The following PTPN4 variants were observed in gnomAD, a reference collection of about 807,000 sequenced individuals.
The protein encoded by PTPN4 is protein tyrosine phosphatase non-receptor type 4.
PTPN4 carries 49 observed loss-of-function variants against 135.5 expected under a neutral mutation model. The observed-to-expected ratio is 0.36, with a 90% confidence interval of 0.29 to 0.46. PTPN4 has a LOEUF of 0.46. Among genes scored for constraint, PTPN4 ranks in the 20% least tolerant of loss-of-function variants. The pLI is 1.00. For synonymous variants in PTPN4, 333 were observed against 369.9 expected (o/e 0.90, Z 1.14); for missense variants, 860 against 1,101.0 (o/e 0.78, Z 3.10).
intron 1 of PTPN4, among the ~76,000 whole-genome samples, chr2:119,777,779 C>T (rs1041097288): frequency 1.1e-4 from 16 of 152,264 alleles, no homozygotes; most frequent in Admixed American, 7.8e-4. Flanking sequence ...CTCAGCCTCC[C>T]TAGTAGCTGG....
intron 8 of PTPN4, among the ~76,000 whole-genome samples, chr2:119,884,751 T>C (rs954972814): frequency 1.5e-4 from 23 of 152,336 alleles, no homozygotes; most frequent in Admixed American, 4.6e-4. Flanking sequence ...GTATCCACTT[T>C]AACTGGAGGG....
At chr2:119,869,408 G>A (rs569236851) in intron 3 of PTPN4, among the ~76,000 whole-genome samples, 10 of 152,304 alleles carry the variant, frequency 6.6e-5, no homozygotes, top group African/African-American at 2.2e-4. Flanking sequence ...TGTCCAATTT[G>A]GGAGCAGTAT....
At chr2:119,877,927 A>T (rs114189891) in intron 5 of PTPN4, among the ~76,000 whole-genome samples, 214 of 152,140 alleles carry the variant, frequency 1.4e-3, no homozygotes, top group African/African-American at 4.9e-3. Flanking sequence ...ATATTCTAGT[A>T]TCTTTTTTTA....
At chr2:119,888,675 AT>A in intron 9 of PTPN4, among the ~76,000 whole-genome samples, 2 of 152,218 alleles carry the variant, frequency 1.3e-5, no homozygotes, top group Middle Eastern at 6.8e-3. Context: ...GATATAATGT[AT>A]TGTATCTGAT....
Position 119,977,118 on chromosome 2 carries a change from T to G in PTPN4, c.*48T>G. The G allele has an allele frequency of 6.5e-7, 1 of 1,546,522 alleles. No homozygotes were observed. The highest frequency in any genetic ancestry group is 1.8e-4 in the Middle Eastern group (1 of 5,702). On this transcript the variant is annotated 3_prime_UTR_variant, in exon 27 of 27. Coordinates refer to ENST00000263708, the MANE Select transcript of PTPN4 (RefSeq NM_002830.4). The stretch of plus-strand genomic sequence containing the variant: ...TGTGTTGGAAAACTGCTTTCCCTTA[T>G]GTTCACTGTGCCATAATGCTGCTCG...
Position 119,760,124 on chromosome 2 carries a change from C to T in PTPN4, c.-278C>T, listed in dbSNP as rs1690451549. The T allele has an allele frequency of 2.6e-6, 1 of 390,944 alleles. No individual in the cohort carries two copies. The highest frequency in any genetic ancestry group is 4.4e-5 in the Admixed American group (1 of 22,488). 24.2% of individuals were successfully genotyped at this position (390,944 alleles called of 1,614,324 possible). ...ACGCACTTTTGGGGGTGTGGATTAT[C>T]TCATCCCTGCAGGGAGGTAGGAGAG... On this transcript the variant is annotated 5_prime_UTR_variant, in exon 1 of 27. Coordinates refer to ENST00000263708, the MANE Select transcript of PTPN4 (RefSeq NM_002830.4).
intron 5 of PTPN4, among the ~76,000 whole-genome samples, chr2:119,881,324 T>C (rs1246332637): frequency 6.6e-6 from 1 of 152,246 alleles, no homozygotes; most frequent in East Asian, 1.9e-4. Context: ...CTTCCTGCCA[T>C]CTGATGATAA....
chr2:119,869,610 G>C (rs1240985594), intron 3 of PTPN4, among the ~76,000 whole-genome samples: 1 of 152,060 alleles, frequency 6.6e-6, no homozygotes, highest in African/African-American at 2.4e-5. Flanking sequence ...GACACCTCAA[G>C]TTAGTAAGGA....
chr2:119,879,428 G>C (rs938054434), intron 5 of PTPN4, among the ~76,000 whole-genome samples: 11 of 152,192 alleles, frequency 7.2e-5, no homozygotes, highest in African/African-American at 2.7e-4. Flanking sequence ...AACTGGTATT[G>C]TTTGGTAAAA....
chr2:119,906,513 A>G (rs1678491178), intron 10 of PTPN4, among the ~76,000 whole-genome samples: 2 of 152,266 alleles, frequency 1.3e-5, no homozygotes, highest in African/African-American at 4.8e-5. Context: ...TTAACATACA[A>G]ATATCAGTAA....
In PTPN4 at chr2:119,934,904, A is replaced by G; in HGVS notation, c.1301A>G (p.Asn434Ser). The change falls in exon 15 of 27, where the codon AAT (asparagine) becomes AGT (serine). Residue 434 changes from asparagine (N) to serine (S), a missense_variant. Asn to Ser is a conservative substitution (Grantham distance 46). Coordinates refer to ENST00000263708, the MANE Select transcript of PTPN4 (RefSeq NM_002830.4). ...VHTSPSEVFV[N>S]QRSPSSTQAN... ...ACTTCCCCAAGCGAAGTGTTTGTAA[A>G]TCAGAGATCTCCGTCATCAACACAA... The G allele has an allele frequency of 6.2e-7, 1 of 1,613,938 alleles. No individual in the cohort carries two copies. The highest frequency in any genetic ancestry group is 8.5e-7 in the Non-Finnish European group (1 of 1,179,822).
chr2:119,939,797 C>T (rs1679036082), intron 15 of PTPN4, among the ~76,000 whole-genome samples: 1 of 152,158 alleles, frequency 6.6e-6, no homozygotes, highest in Admixed American at 6.5e-5. Flanking sequence ...CAGTTGTCCC[C>T]AATTCCTATT....
chr2:119,933,121 T>TATAAATGTTCACAAAAGTTGTATAA (rs1678930511), intron 14 of PTPN4, among the ~76,000 whole-genome samples: 1 of 152,122 alleles, frequency 6.6e-6, no homozygotes, highest in Non-Finnish European at 1.5e-5. Context: ...ACAAAAGTTG[T>TATAAATGTTCACAAAAGTTGTATAA]ATGTTTTGGT....
rs1679387645 is a variant in PTPN4, at chr2:119,962,771, A to G, written c.2409+27A>G. On this transcript the variant is annotated intron_variant, in intron 24 of 26. Coordinates refer to ENST00000263708, the MANE Select transcript of PTPN4 (RefSeq NM_002830.4). ...TAAGAAGGCAGGATATCTGTTCATT[A>G]GAACTGTTGTGTTCAGGGTAAAGAC... is the stretch of plus-strand genomic sequence containing the variant. The G allele has an allele frequency of 4.6e-6, 7 of 1,512,894 alleles. No individual in the cohort carries two copies. In the Admixed American group the frequency reaches 1.1e-4, roughly 24 times the overall value. 93.7% of individuals were successfully genotyped at this position (1,512,894 alleles called of 1,614,324 possible). A position where few individuals can be genotyped will look rare whatever the true frequency, so the allele number is the denominator to read the frequency against.
At chr2:119,788,105 T>G (rs1574334056) in intron 1 of PTPN4, among the ~76,000 whole-genome samples, 1 of 152,208 alleles carries the variant, frequency 6.6e-6, no homozygotes, top group East Asian at 1.9e-4. Context: ...TTACCCTTGT[T>G]ACAGTAGTTT....
At chr2:119,908,907 A>T (rs925489623) in intron 10 of PTPN4, among the ~76,000 whole-genome samples, 2 of 152,184 alleles carry the variant, frequency 1.3e-5, no homozygotes, top group African/African-American at 4.8e-5. Flanking sequence ...AGAGTATCTT[A>T]GTGGTGTGGA....
chr2:119,808,270 A>G (rs1349884368), intron 1 of PTPN4, among the ~76,000 whole-genome samples: 1 of 152,212 alleles, frequency 6.6e-6, no homozygotes, highest in Non-Finnish European at 1.5e-5. Flanking sequence ...TCAGTTAGGA[A>G]AAGAGGAAGT....
At chr2:119,785,056 G>C (rs1018209904) in intron 1 of PTPN4, among the ~76,000 whole-genome samples, 2 of 152,092 alleles carry the variant, frequency 1.3e-5, no homozygotes, top group East Asian at 3.9e-4. Flanking sequence ...TTTTGGACCA[G>C]ATCATTATTT....
intron 3 of PTPN4, among the ~76,000 whole-genome samples, chr2:119,865,218 A>G (rs1049705538): frequency 3.3e-5 from 5 of 152,118 alleles, no homozygotes; most frequent in African/African-American, 1.2e-4. Flanking sequence ...TAGAGTTCCA[A>G]TTCTAGTTGT....
Sources: gnomAD v4.1 joint callset for allele counts (sites outside exome capture counted in the v4.1 genomes callset) on GRCh38, gnomAD v4.1.1 for gene constraint, MANE v1.5 for transcripts, NCBI Gene and HGNC (gene_info 2026-07-23, HGNC 2026-07-21) for gene names.